SLC35F1: variants seen among roughly 807,000 people sequenced by gnomAD.
SLC35F1 encodes the protein chromosome 6 open reading frame 169.
In SLC35F1, 14 loss-of-function variants were observed where a neutral mutation model predicts 48.7. The observed-to-expected ratio is 0.29, with a 90% CI of 0.19 to 0.45. The LOEUF (loss-of-function observed/expected upper bound fraction) is 0.45. SLC35F1 is among the 20% of genes least tolerant of loss of function. The pLI is 1.00. For synonymous variants in SLC35F1, 190 were observed against 202.2 expected (o/e 0.94, Z 0.51); for missense variants, 404 against 500.0 (o/e 0.81, Z 1.83).
chr6:118,286,694 T>A (rs1440848661), intron 7 of SLC35F1, among the ~76,000 whole-genome samples: 1 of 152,146 alleles, frequency 6.6e-6, no homozygotes, highest in Admixed American at 6.5e-5. Context: ...ACAACATGAT[T>A]TTTGGATGTA....
chr6:118,000,736 G>T (rs534647966), intron 1 of SLC35F1, among the ~76,000 whole-genome samples: 2 of 152,178 alleles, frequency 1.3e-5, no homozygotes, highest in African/African-American at 2.4e-5. Flanking sequence ...AAGCTGATAA[G>T]CAACTTCAGC....
intron 4 of SLC35F1, 87 bp downstream of exon 4, chr6:118,267,241 A>ACTATGAACCATAGTT: frequency 1.4e-6 from 2 of 1,474,110 alleles, no homozygotes; most frequent in Non-Finnish European, 1.9e-6. Flanking sequence ...GGTGAAAACA[A>ACTATGAACCATAGTT]GGACCTTAGG....
chr6:118,143,813 C>G (rs1300214150), intron 1 of SLC35F1, among the ~76,000 whole-genome samples: 1 of 152,108 alleles, frequency 6.6e-6, no homozygotes, highest in Non-Finnish European at 1.5e-5. Flanking sequence ...TCATGACAGC[C>G]TGTGGGATAT....
intron 2 of SLC35F1, among the ~76,000 whole-genome samples, chr6:118,224,873 T>TC (rs2114568266): frequency 6.6e-6 from 1 of 152,320 alleles, no homozygotes; most frequent in East Asian, 1.9e-4. Flanking sequence ...TTTGACTTTT[T>TC]CCTTTCCAAT....
At chr6:118,105,700 A>G (rs1773317658) in intron 1 of SLC35F1, among the ~76,000 whole-genome samples, 1 of 152,186 alleles carries the variant, frequency 6.6e-6, no homozygotes, top group African/African-American at 2.4e-5. Flanking sequence ...CACTCTTCAG[A>G]TAAAACAATT....
intron 1 of SLC35F1, among the ~76,000 whole-genome samples, chr6:118,142,846 T>C (rs1773911016): frequency 6.6e-6 from 1 of 152,128 alleles, no homozygotes; most frequent in Admixed American, 6.6e-5. Context: ...ATGCAAAGAA[T>C]GATGAAGAAA....
rs925664692 is a variant in SLC35F1 at position 117,966,137 on chromosome 6, C to A, written c.173+58238C>A. Among the ~76,000 whole-genome samples the A allele has an allele frequency of 1.4e-4, 20 of 141,794 alleles. 1 individual carries two copies. The highest frequency in any genetic ancestry group is 5.0e-4 in the African/African-American group (19 of 37,908). The allele number at this position is 141,794 out of a possible 152,430, so 93.0% of individuals were successfully genotyped here. ...GGAATAAAAGCAGGCCACCGCCCCC[C>A]CCCCCACTCCCGCCCCGCCCCAAGC... On this transcript the variant is annotated intron_variant, in intron 1 of 7. Transcript: ENST00000360388.
At chr6:117,923,731 GTATATA>G (rs1412504304) in intron 1 of SLC35F1, among the ~76,000 whole-genome samples, 3 of 70,016 alleles carry the variant, frequency 4.3e-5, no homozygotes, top group African/African-American at 1.5e-4. Context: ...ATATACATAT[GTATATA>G]TACATATATG....
intron 1 of SLC35F1, among the ~76,000 whole-genome samples, chr6:118,051,032 A>G (rs1366821965): frequency 1.3e-5 from 2 of 152,166 alleles, no homozygotes; most frequent in Non-Finnish European, 2.9e-5. Context: ...AAAGATATAC[A>G]AAAATTGTAC....
At chr6:118,313,762 C>A (rs1776397581) in intron 7 of SLC35F1, among the ~76,000 whole-genome samples, 2 of 152,142 alleles carry the variant, frequency 1.3e-5, no homozygotes, top group Non-Finnish European at 2.9e-5. Context: ...GTTCTCGCAC[C>A]ATACCAGATC....
At chr6:118,019,747 C>G (rs774746296) in intron 1 of SLC35F1, among the ~76,000 whole-genome samples, 1 of 152,074 alleles carries the variant, frequency 6.6e-6, no homozygotes, top group East Asian at 1.9e-4. Flanking sequence ...AACATTCTTG[C>G]GAATATATTA....
At chr6:118,101,890 C>T (rs567487593) in intron 1 of SLC35F1, among the ~76,000 whole-genome samples, 1 of 152,284 alleles carries the variant, frequency 6.6e-6, no homozygotes, top group East Asian at 1.9e-4. Flanking sequence ...GAAATTGAAA[C>T]CTCTCAAATC....
chr6:118,155,161 G>C (rs1394066852), intron 2 of SLC35F1, among the ~76,000 whole-genome samples: 1 of 152,158 alleles, frequency 6.6e-6, no homozygotes, highest in African/African-American at 2.4e-5. Context: ...AATAAAACAA[G>C]TCCTCCAAGA....
chr6:118,296,513 G>T (rs970613585), intron 7 of SLC35F1, among the ~76,000 whole-genome samples: 2 of 152,214 alleles, frequency 1.3e-5, no homozygotes, highest in Non-Finnish European at 2.9e-5. Flanking sequence ...GCTGGTCTCT[G>T]CTACACTAGC....
chr6:118,276,138 C>T (rs1454989487), intron 5 of SLC35F1, among the ~76,000 whole-genome samples: 1 of 152,164 alleles, frequency 6.6e-6, no homozygotes, highest in East Asian at 1.9e-4. Flanking sequence ...AGTTATAATA[C>T]AGACATTCAC....
chr6:117,930,496 A>C (rs938065199), intron 1 of SLC35F1, among the ~76,000 whole-genome samples: 2 of 151,520 alleles, frequency 1.3e-5, no homozygotes, highest in African/African-American at 4.9e-5. Flanking sequence ...TATGTACTTA[A>C]TTTTTTTTTC....
chr6:118,245,573 C>T (rs1376921288), intron 3 of SLC35F1, among the ~76,000 whole-genome samples: 1 of 152,166 alleles, frequency 6.6e-6, no homozygotes, highest in Non-Finnish European at 1.5e-5. Context: ...CCCACCTGCG[C>T]TTGATTCTCA....
chr6:118,125,879 T>G (rs1773617226), intron 1 of SLC35F1, among the ~76,000 whole-genome samples: 1 of 152,222 alleles, frequency 6.6e-6, no homozygotes, highest in African/African-American at 2.4e-5. Flanking sequence ...CAAGCAGGTT[T>G]CAGTGGCCTG....
chr6:118,133,810 C>T (rs1246486069), intron 1 of SLC35F1, among the ~76,000 whole-genome samples: 1 of 152,176 alleles, frequency 6.6e-6, no homozygotes, highest in Non-Finnish European at 1.5e-5. Context: ...CTGCCGTGAC[C>T]TCCCTTGTCA....
Sources: gnomAD v4.1 joint callset for allele counts (sites outside exome capture counted in the v4.1 genomes callset) on GRCh38, gnomAD v4.1.1 for gene constraint, MANE v1.5 for transcripts, NCBI Gene and HGNC (gene_info 2026-07-23, HGNC 2026-07-21) for gene names.